COL5A2: variants seen among roughly 807,000 people sequenced by gnomAD.
The protein encoded by COL5A2 is collagen type V alpha 2 chain, also known as collagen alpha-2(V) chain.
Under a neutral mutation model 208.2 loss-of-function variants are expected in COL5A2, and 23 were observed. The ratio of observed to expected loss-of-function variants is 0.11; its 90% CI spans 0.08 to 0.16. COL5A2 has a LOEUF of 0.16. Ranked by LOEUF, COL5A2 falls within the 10% of genes least tolerant of loss-of-function variation. The pLI, the probability that COL5A2 is intolerant of heterozygous loss-of-function variation, is 1.00. For synonymous variants in COL5A2, 625 were observed against 628.5 expected, an observed-to-expected ratio of 0.99 and a Z score of 0.08; for missense variants, 1,590 against 1,956.4, an observed-to-expected ratio of 0.81 and a Z score of 3.53.
chr2:189,265,418 G>A, the COL5A2 span, among the ~76,000 whole-genome samples: 1 of 152,060 alleles, frequency 6.6e-6, no homozygotes, highest in South Asian at 2.1e-4. Flanking sequence ...TTCTTAACTT[G>A]TAGACACAGC....
the COL5A2 span, among the ~76,000 whole-genome samples, chr2:189,314,584 A>T: frequency 0.037 from 5,620 of 152,222 alleles, 119 homozygotes; most frequent in Admixed American, 0.05. Context: ...ATAACCAAAA[A>T]CACAGCTGAA....
At chr2:189,246,529 C>T in the COL5A2 span, among the ~76,000 whole-genome samples, 2 of 152,182 alleles carry the variant, frequency 1.3e-5, no homozygotes, top group Non-Finnish European at 2.9e-5. Flanking sequence ...AGAGGTAACG[C>T]TGAGAATTTT....
At chr2:189,107,163 C>A (rs1687167164) in intron 2 of COL5A2, among the ~76,000 whole-genome samples, 1 of 151,476 alleles carries the variant, frequency 6.6e-6, no homozygotes, top group Admixed American at 6.6e-5. Context: ...CTTTTTAAGA[C>A]CTTTTAGTTG....
chr2:189,271,596 TG>T, the COL5A2 span, among the ~76,000 whole-genome samples: 2 of 152,138 alleles, frequency 1.3e-5, no homozygotes, highest in Non-Finnish European at 2.9e-5. Flanking sequence ...GACATAGGCA[TG>T]GGCAAAGACT....
At chr2:189,426,030 T>C in the COL5A2 span, among the ~76,000 whole-genome samples, 1 of 152,184 alleles carries the variant, frequency 6.6e-6, no homozygotes, top group Non-Finnish European at 1.5e-5. Context: ...AAAATTGGTA[T>C]TCAAGAGTGA....
intron 1 of COL5A2, among the ~76,000 whole-genome samples, chr2:189,113,108 G>A (rs73980136): frequency 1.1e-4 from 17 of 152,282 alleles, no homozygotes; most frequent in African/African-American, 1.4e-4. Flanking sequence ...AAGTGCATAT[G>A]TGCCTAGTAC....
chr2:189,334,761 GA>G, the COL5A2 span, among the ~76,000 whole-genome samples: 2 of 151,928 alleles, frequency 1.3e-5, no homozygotes, highest in Non-Finnish European at 2.9e-5. Flanking sequence ...CAAAGTATTA[GA>G]AAAGCCAAAG....
intron 1 of COL5A2, among the ~76,000 whole-genome samples, chr2:189,186,085 A>T (rs892057657): frequency 6.6e-6 from 1 of 151,748 alleles, no homozygotes; most frequent in East Asian, 1.9e-4. Flanking sequence ...ATCACAGCTT[A>T]CTGCATCCTC....
At position 189,179,715 on chromosome 2, in the gene COL5A2, AG is replaced by A; in HGVS notation, c.-112del. ...CTTCTTTCAGCACCAGCCCCAGGGC[AG>A]CCTCTGCAAACCCCCTTTTTCAGCA... On this transcript the variant is annotated 5_prime_UTR_variant, in exon 1 of 54. Coordinates refer to ENST00000374866, the MANE Select transcript of COL5A2 (RefSeq NM_000393.5). 1 of 1,536,478 alleles carries A rather than the reference AG, an allele frequency of 6.5e-7. No homozygotes were observed. The highest frequency in any genetic ancestry group is 1.7e-4 in the Middle Eastern group (1 of 5,972).
Position 189,052,241 on chromosome 2 carries a change from C to T in COL5A2, c.2716-16G>A. 3 of 1,612,796 alleles carry T rather than the reference C, an allele frequency of 1.9e-6. No homozygotes were observed. The highest frequency in any genetic ancestry group is 2.5e-6 in the Non-Finnish European group (3 of 1,179,030). ...CTGTAGCACCCTAGAACCAGAATAT[C>T]ATATAAGCAATTTTTAAGGTAATAT... On this transcript the variant is annotated splice_polypyrimidine_tract_variant and intron_variant, in intron 40 of 53. Transcript: ENST00000374866.
At chr2:189,242,181 ATTTGATAC>A in the COL5A2 span, among the ~76,000 whole-genome samples, 1 of 152,164 alleles carries the variant, frequency 6.6e-6, no homozygotes, top group East Asian at 1.9e-4. Context: ...TCAGAAAACC[ATTTGATAC>A]CTTTGTGCTT....
Position 189,031,925 on chromosome 2 carries a change from A to G in COL5A2, c.*2145T>C, listed in dbSNP as rs564695966. On this transcript the variant is annotated 3_prime_UTR_variant, in exon 54 of 54. Coordinates refer to ENST00000374866, the MANE Select transcript of COL5A2 (RefSeq NM_000393.5). ...GTCTGGGCAGGCTTTTATTGGTAGCATTCCCAAAATCCAAATAAGAACTGT... is the reference window on the plus strand; with the variant it reads ...GTCTGGGCAGGCTTTTATTGGTAGCGTTCCCAAAATCCAAATAAGAACTGT... 2 of 152,258 alleles carry G rather than the reference A, an allele frequency of 1.3e-5. No homozygotes were observed. The highest frequency in any genetic ancestry group is 2.4e-5 in the African/African-American group (1 of 41,558). 9.4% of individuals were successfully genotyped at this position (152,258 alleles called of 1,614,324 possible).
At chr2:189,057,086 G>T (rs1685914725) in intron 34 of COL5A2, 60 bp from the exon 35 acceptor site, 2 of 1,560,562 alleles carry the variant, frequency 1.3e-6, no homozygotes, top group Non-Finnish European at 1.8e-6. Context: ...ACACTTGTGT[G>T]TAAGTTTCAT....
chr2:189,319,857 G>A, the COL5A2 span, among the ~76,000 whole-genome samples: 6 of 152,358 alleles, frequency 3.9e-5, no homozygotes, highest in South Asian at 1.2e-3. Context: ...AGAATGGACA[G>A]ACTGCATCCT....
chr2:189,210,411 T>A (rs1689197778), intron 1 of COL5A2, among the ~76,000 whole-genome samples: 1 of 143,460 alleles, frequency 7.0e-6, no homozygotes, highest in Non-Finnish European at 1.5e-5. Flanking sequence ...TTGATTAAAA[T>A]ATTTTACATT....
At chr2:189,091,800 G>A (rs1195038512) in intron 7 of COL5A2, among the ~76,000 whole-genome samples, 3 of 152,190 alleles carry the variant, frequency 2.0e-5, no homozygotes, top group African/African-American at 7.2e-5. Flanking sequence ...ATTCAAAGAA[G>A]TCGGTATTGA....
chr2:189,099,732 T>C (rs1687010514), intron 4 of COL5A2, among the ~76,000 whole-genome samples: 1 of 152,228 alleles, frequency 6.6e-6, no homozygotes, highest in Non-Finnish European at 1.5e-5. Flanking sequence ...TAAAGAAGTC[T>C]TAGGAATTCT....
chr2:189,096,639 G>GA (rs970154879), intron 6 of COL5A2, among the ~76,000 whole-genome samples: 31 of 133,684 alleles, frequency 2.3e-4, no homozygotes, highest in African/African-American at 5.5e-4. Context: ...AAAAAAAAAA[G>GA]AAAAAAAAAG....
chr2:189,067,499 C>A (rs1468472230), intron 21 of COL5A2, among the ~76,000 whole-genome samples: 1 of 152,068 alleles, frequency 6.6e-6, no homozygotes, highest in Non-Finnish European at 1.5e-5. Flanking sequence ...CACAACTTCT[C>A]AATGTGTTTA....
Sources: allele counts gnomAD v4.1 joint callset (sites outside exome capture counted in the v4.1 genomes callset), GRCh38; gene constraint gnomAD v4.1.1; transcripts MANE v1.5; gene names NCBI Gene and HGNC (gene_info 2026-07-23, HGNC 2026-07-21).